Variants in RGS21 observed in about 807,000 individuals in gnomAD.
RGS21 encodes regulator of G protein signaling 21.
A neutral mutation model predicts 18.7 loss-of-function variants in RGS21; 19 were observed. The ratio of observed to expected loss-of-function variants is 1.01; its 90% confidence interval spans 0.71 to 1.49. The LOEUF is 1.49. Ranked by LOEUF, RGS21 falls within the 40% of genes most tolerant of loss-of-function variation. RGS21 has a pLI of 0.00. For missense variants in RGS21, 194 were observed against 176.8 expected (o/e 1.10, Z -0.55); for synonymous variants, 56 against 57.8 (o/e 0.97, Z 0.14).
intron 4 of RGS21, among the ~76,000 whole-genome samples, chr1:192,360,127 T>C (rs571973410): frequency 2.2e-4 from 34 of 152,196 alleles, no homozygotes; most frequent in Admixed American, 1.1e-3. Flanking sequence ...GATGATCTCT[T>C]CTAGTTCTAT....
chr1:192,357,237 G>A (rs910702352), intron 4 of RGS21, among the ~76,000 whole-genome samples: 2 of 151,580 alleles, frequency 1.3e-5, no homozygotes, highest in Non-Finnish European at 3.0e-5. Context: ...AGAGGAAGAG[G>A]AAGAAGAGCC....
At chr1:192,361,209 A>T (rs370305979) in intron 4 of RGS21, among the ~76,000 whole-genome samples, 1 of 152,142 alleles carries the variant, frequency 6.6e-6, no homozygotes, top group South Asian at 2.1e-4. Context: ...AATCATCTTG[A>T]AATATCCTTA....
At chr1:192,321,574 T>C (rs1228272169) in intron 1 of RGS21, among the ~76,000 whole-genome samples, 1 of 152,030 alleles carries the variant, frequency 6.6e-6, no homozygotes. Flanking sequence ...AATTAAAAAG[T>C]TATTGACACT....
intron 1 of RGS21, 144 bp from the exon 2 acceptor site, chr1:192,342,833 A>T: frequency 1.9e-6 from 1 of 519,526 alleles, no homozygotes; most frequent in Non-Finnish European, 3.5e-6. Context: ...ATTACTTAGA[A>T]GTTTAAGTGT....
intron 4 of RGS21, among the ~76,000 whole-genome samples, chr1:192,361,703 G>A (rs1359460837): frequency 6.6e-6 from 1 of 151,810 alleles, no homozygotes. Flanking sequence ...CCACCACCAC[G>A]CCTGGCTAAT....
intron 4 of RGS21, 47 bp downstream of exon 4, chr1:192,352,260 C>G (rs1418607713): frequency 2.9e-6 from 4 of 1,383,248 alleles, no homozygotes; most frequent in Non-Finnish European, 2.9e-6. Flanking sequence ...TGTAGCAGAT[C>G]TGCTCCCAAT....
intron 1 of RGS21, among the ~76,000 whole-genome samples, chr1:192,324,163 G>C (rs918931305): frequency 8.8e-6 from 1 of 114,100 alleles, no homozygotes; most frequent in African/African-American, 4.1e-5. Flanking sequence ...ACAGCATAAA[G>C]AGTTTTCTTT....
intron 3 of RGS21, among the ~76,000 whole-genome samples, chr1:192,351,717 AAC>A (rs1659043404): frequency 6.8e-6 from 1 of 148,028 alleles, no homozygotes. Flanking sequence ...TAGCATATAT[AAC>A]ACATATAATA....
At chr1:192,325,603 T>C (rs1276235330) in intron 1 of RGS21, among the ~76,000 whole-genome samples, 2 of 152,026 alleles carry the variant, frequency 1.3e-5, no homozygotes, top group South Asian at 2.1e-4. Flanking sequence ...TCTCTGCCAC[T>C]TTGCCAACAT....
chr1:192,343,174 T>A, intron 2 of RGS21, 127 bp downstream of exon 2: 1 of 936,848 alleles, frequency 1.1e-6, no homozygotes, highest in Non-Finnish European at 1.7e-6. Context: ...TCTTCCTGAT[T>A]TTTTCTCCTT....
At chr1:192,360,987 TAA>T (rs558480549) in intron 4 of RGS21, among the ~76,000 whole-genome samples, 166 of 152,090 alleles carry the variant, frequency 1.1e-3, no homozygotes, top group African/African-American at 3.8e-3. Context: ...ACCTACTCCA[TAA>T]ATACTCTAAA....
At chr1:192,336,688 T>G (rs1227549183) in intron 1 of RGS21, among the ~76,000 whole-genome samples, 1 of 152,082 alleles carries the variant, frequency 6.6e-6, no homozygotes, top group Admixed American at 6.6e-5. Flanking sequence ...AGCCAGGTAT[T>G]TTATAATACT....
intron 1 of RGS21, among the ~76,000 whole-genome samples, chr1:192,328,032 G>T (rs1051929720): frequency 1.3e-5 from 2 of 152,102 alleles, no homozygotes; most frequent in Non-Finnish European, 2.9e-5. Context: ...TCTTTACTTT[G>T]AGGAGTAAAA....
intron 1 of RGS21, among the ~76,000 whole-genome samples, chr1:192,339,683 G>T (rs12128724): frequency 1.8e-4 from 28 of 151,714 alleles, no homozygotes; most frequent in African/African-American, 6.3e-4. Flanking sequence ...TTGTTCTCTC[G>T]TGTTTGGACC....
At chr1:192,359,417 T>C (rs1441926448) in intron 4 of RGS21, among the ~76,000 whole-genome samples, 4 of 151,822 alleles carry the variant, frequency 2.6e-5, no homozygotes, top group Non-Finnish European at 5.9e-5. Flanking sequence ...GTTTCTAGAG[T>C]GTCACCTCCT....
chr1:192,349,753 G>T (rs574270843), intron 3 of RGS21, among the ~76,000 whole-genome samples: 1 of 152,066 alleles, frequency 6.6e-6, no homozygotes, highest in Non-Finnish European at 1.5e-5. Flanking sequence ...GAGGAGGAAA[G>T]ATACTAATTT....
intron 4 of RGS21, among the ~76,000 whole-genome samples, chr1:192,356,422 T>C (rs544946523): frequency 6.6e-6 from 1 of 151,774 alleles, no homozygotes. Flanking sequence ...AAACTTTAGT[T>C]TGACTCTAAA....
At chr1:192,331,386 T>C (rs1407933936) in intron 1 of RGS21, among the ~76,000 whole-genome samples, 1 of 151,946 alleles carries the variant, frequency 6.6e-6, no homozygotes, top group African/African-American at 2.4e-5. Flanking sequence ...ATCCCGTCTC[T>C]ACTAAAAGAC....
chr1:192,329,312 T>G (rs1033770410), intron 1 of RGS21, among the ~76,000 whole-genome samples: 10 of 152,114 alleles, frequency 6.6e-5, no homozygotes, highest in Non-Finnish European at 1.5e-4. Flanking sequence ...AGCTTCATTA[T>G]GAGCAGAGGT....
Sources: gnomAD v4.1 joint callset for allele counts (sites outside exome capture counted in the v4.1 genomes callset) on GRCh38, gnomAD v4.1.1 for gene constraint, MANE v1.5 for transcripts, NCBI Gene and HGNC (gene_info 2026-07-23, HGNC 2026-07-21) for gene names.